PCDHGB2: variants seen among roughly 807,000 people sequenced by gnomAD.
The protein encoded by PCDHGB2 is protocadherin gamma subfamily B, 2.
Under a neutral mutation model 59.3 loss-of-function variants are expected in PCDHGB2, and 55 were observed. The observed-to-expected ratio is 0.93, with a 90% CI of 0.75 to 1.16. The LOEUF is 1.16. Ranked by LOEUF, PCDHGB2 falls within the 50% of genes most tolerant of loss-of-function variation. The pLI is 0.00. For synonymous variants in PCDHGB2, 516 were observed against 512.0 expected (o/e 1.01, Z -0.11); for missense variants, 1,228 against 1,198.5 (o/e 1.02, Z -0.36).
rs762866893 is a variant in PCDHGB2 at position 141,389,080 on chromosome 5, C to G, written c.2421+26524C>G. ...AAAATATTAACTTCTTCAAGAAACA[C>G]GTATAAATTAGTGACAGATGCTGTT... On this transcript the variant is annotated intron_variant, in intron 1 of 3. Transcript: ENST00000522605. 7 of 1,613,984 alleles carry G rather than the reference C, an allele frequency of 4.3e-6. No individual in the cohort carries two copies. The South Asian group carries it at 5.5e-5, about 13-fold the overall frequency.
chr5:141,403,604 G>C, intron 1 of PCDHGB2: 2 of 1,613,768 alleles, frequency 1.2e-6, no homozygotes, highest in Non-Finnish European at 1.7e-6. Flanking sequence ...CTCGGATGGC[G>C]GCGAGCCGCG....
intron 1 of PCDHGB2, chr5:141,411,968 T>C (rs1257112227): frequency 6.6e-6 from 1 of 152,260 alleles, no homozygotes; most frequent in Non-Finnish European, 1.5e-5. Flanking sequence ...GATAAAATCT[T>C]TGAAGAGTTC....
chr5:141,370,999 G>T, intron 1 of PCDHGB2: 3 of 1,614,020 alleles, frequency 1.9e-6, no homozygotes, highest in Non-Finnish European at 2.5e-6. Flanking sequence ...CCCCTGGACA[G>T]GGAAGAGCAG....
rs1396744157 is a variant in PCDHGB2 at position 141,432,439 on chromosome 5, C to G, written c.2422-62368C>G. 22 of 1,614,108 alleles carry G rather than the reference C, an allele frequency of 1.4e-5. No individual in the cohort carries two copies. The highest frequency in any genetic ancestry group is 1.7e-5 in the Non-Finnish European group (20 of 1,180,052). On this transcript the variant is annotated intron_variant, in intron 1 of 3. Coordinates refer to ENST00000522605, the MANE Select transcript of PCDHGB2 (RefSeq NM_018923.3). This position sits in a 1 kb window ranked among gnomAD's most constrained non-coding sequence, Gnocchi z 6.0. ...TGCTGGACCAGAACGACAATGCGCCCGAGATCCTGTACCCCGCCCTCCCCA... is the reference window on the plus strand; with the variant it reads ...TGCTGGACCAGAACGACAATGCGCCGGAGATCCTGTACCCCGCCCTCCCCA...
intron 1 of PCDHGB2, chr5:141,388,504 C>T: frequency 1.2e-6 from 2 of 1,613,808 alleles, no homozygotes; most frequent in Non-Finnish European, 1.7e-6. Context: ...AAGCAGAAAT[C>T]CTACCACTTG....
intron 1 of PCDHGB2, chr5:141,419,646 C>T (rs1433992932): frequency 6.2e-7 from 1 of 1,612,470 alleles, no homozygotes; most frequent in Admixed American, 1.7e-5. Flanking sequence ...GCCGTGGACG[C>T]GGACTCGGGG....
chr5:141,387,756 A>G, intron 1 of PCDHGB2: 1 of 1,413,288 alleles, frequency 7.1e-7, no homozygotes, highest in Non-Finnish European at 9.4e-7. Context: ...CTCCTCGGAA[A>G]AAGAAGAATT....
At chr5:141,508,806 C>T (rs1243735850) in intron 3 of PCDHGB2, among the ~76,000 whole-genome samples, 1 of 152,066 alleles carries the variant, frequency 6.6e-6, no homozygotes, top group African/African-American at 2.4e-5. Flanking sequence ...AATCCTGGCT[C>T]TTTGAAGCCA....
intron 1 of PCDHGB2, chr5:141,370,988 A>T (rs760427095): frequency 2.5e-5 from 41 of 1,613,868 alleles, no homozygotes; most frequent in Non-Finnish European, 3.1e-5. Context: ...TACTGAAAGC[A>T]CCCCTGGACA....
chr5:141,409,262 G>C (rs768196825), intron 1 of PCDHGB2: 1 of 1,613,952 alleles, frequency 6.2e-7, no homozygotes, highest in Admixed American at 1.7e-5. Flanking sequence ...TTCTCTCTCT[G>C]ATCAGATTTT....
intron 1 of PCDHGB2, chr5:141,414,917 T>A: frequency 6.2e-7 from 1 of 1,614,148 alleles, no homozygotes; most frequent in Non-Finnish European, 8.5e-7. Context: ...GGCGTGGAGC[T>A]GGCGCCCCGC....
chr5:141,503,506 G>A (rs2099820313), intron 2 of PCDHGB2, among the ~76,000 whole-genome samples: 1 of 151,616 alleles, frequency 6.6e-6, no homozygotes, highest in African/African-American at 2.4e-5. Context: ...GGCTGAGGCA[G>A]GAGAATCACT....
chr5:141,370,244 ACT>A, intron 1 of PCDHGB2: 2 of 633,826 alleles, frequency 3.2e-6, no homozygotes, highest in Non-Finnish European at 5.1e-6. Flanking sequence ...AGAAAAGTGC[ACT>A]CTCTATCAGG....
chr5:141,383,826 T>C, intron 1 of PCDHGB2: 1 of 1,613,966 alleles, frequency 6.2e-7, no homozygotes, highest in Non-Finnish European at 8.5e-7. Flanking sequence ...GATTAGATTA[T>C]GAAGAAACTG....
At chr5:141,371,123 TC>T in intron 1 of PCDHGB2, 1 of 1,613,954 alleles carries the variant, frequency 6.2e-7, no homozygotes, top group Non-Finnish European at 8.5e-7. Flanking sequence ...CAGTATTTAC[TC>T]AGGACATGTA....
chr5:141,365,990 G>A, intron 1 of PCDHGB2: 1 of 1,614,216 alleles, frequency 6.2e-7, no homozygotes, highest in Non-Finnish European at 8.5e-7. Flanking sequence ...GTTTGTGCTG[G>A]ACCAGAACGA....
At chr5:141,473,988 G>C (rs1006988447) in intron 1 of PCDHGB2, among the ~76,000 whole-genome samples, 8 of 152,118 alleles carry the variant, frequency 5.3e-5, no homozygotes, top group Non-Finnish European at 4.4e-5. Context: ...AGGATCCCTT[G>C]AGCCCAAGGA....
chr5:141,384,999 C>A, intron 1 of PCDHGB2: 1 of 1,614,144 alleles, frequency 6.2e-7, no homozygotes, highest in Non-Finnish European at 8.5e-7. Flanking sequence ...TGGCCACAGT[C>A]TCCTGCGTCT....
In PCDHGB2 at chr5:141,422,062, A is replaced by G. The variant is rs776838280; in HGVS notation, c.2421+59506A>G. The G allele has an allele frequency of 1.2e-6, 2 of 1,612,022 alleles. No individual in the cohort carries two copies. The highest frequency in any genetic ancestry group is 2.7e-5 in the African/African-American group (2 of 74,802). ...AGACGAGGGAATCAACGGGGAAGTAATGTATTCATTTCGGAACATGGAAAG... is the reference window on the plus strand; with the variant it reads ...AGACGAGGGAATCAACGGGGAAGTAGTGTATTCATTTCGGAACATGGAAAG... On this transcript the variant is annotated intron_variant, in intron 1 of 3. Transcript: ENST00000522605.
Sources: allele counts gnomAD v4.1 joint callset (sites outside exome capture counted in the v4.1 genomes callset), GRCh38; gene constraint gnomAD v4.1.1; non-coding constraint Gnocchi (gnomAD v3.1); transcripts MANE v1.5; gene names NCBI Gene and HGNC (gene_info 2026-07-23, HGNC 2026-07-21).